Variants in GALNTL6 observed in about 807,000 individuals in gnomAD.
The protein encoded by GALNTL6 is polypeptide N-acetylgalactosaminyltransferase-like 6.
Under a neutral mutation model 73.7 loss-of-function variants are expected in GALNTL6, and 46 were observed. The observed-to-expected ratio is 0.62, with a 90% CI of 0.49 to 0.80. GALNTL6 has a LOEUF of 0.80. Ranked by LOEUF, GALNTL6 falls within the 30% of genes least tolerant of loss-of-function variation. The probability of loss-of-function intolerance (pLI) is 0.00; values close to 1 mark genes in which losing one functional copy is unlikely to be tolerated. For synonymous variants in GALNTL6, 259 were observed against 263.7 expected (o/e 0.98, Z 0.17); for missense variants, 604 against 755.0 (o/e 0.80, Z 2.34).
intron 2 of GALNTL6, among the ~76,000 whole-genome samples, chr4:172,111,771 C>T (rs1025686001): frequency 2.6e-5 from 4 of 151,860 alleles, no homozygotes; most frequent in African/African-American, 9.7e-5. Flanking sequence ...TTTTTTGGAG[C>T]AGTTTTAGGC....
chr4:172,767,333 T>C (rs1738460512), intron 5 of GALNTL6, among the ~76,000 whole-genome samples: 1 of 152,208 alleles, frequency 6.6e-6, no homozygotes, highest in Non-Finnish European at 1.5e-5. Flanking sequence ...CCCATGGATG[T>C]ACCAATGTAT....
chr4:172,968,446 A>G (rs547959718), intron 10 of GALNTL6, among the ~76,000 whole-genome samples: 2 of 152,318 alleles, frequency 1.3e-5, no homozygotes, highest in Admixed American at 6.5e-5. Flanking sequence ...GTTACCCTGC[A>G]TATATCTGAG....
chr4:172,092,304 T>C (rs1411673511), intron 2 of GALNTL6, among the ~76,000 whole-genome samples: 3 of 152,124 alleles, frequency 2.0e-5, no homozygotes, highest in Non-Finnish European at 4.4e-5. Context: ...CATATCAAAA[T>C]TTTAAGAATC....
chr4:172,874,596 A>T (rs1030119512), intron 7 of GALNTL6, among the ~76,000 whole-genome samples: 4 of 152,184 alleles, frequency 2.6e-5, no homozygotes, highest in African/African-American at 9.6e-5. Flanking sequence ...TCAGAGACTG[A>T]CAGAGCTGGT....
intron 11 of GALNTL6, among the ~76,000 whole-genome samples, chr4:173,016,169 T>C (rs1004847881): frequency 6.6e-6 from 1 of 152,130 alleles, no homozygotes; most frequent in Non-Finnish European, 1.5e-5. Flanking sequence ...CGGGCAGAGG[T>C]GTGCTATAGT....
At chr4:172,908,518 C>T (rs752854471) in intron 8 of GALNTL6, among the ~76,000 whole-genome samples, 3 of 151,162 alleles carry the variant, frequency 2.0e-5, no homozygotes, top group Non-Finnish European at 2.9e-5. Flanking sequence ...GTAATATGAC[C>T]TGCCTAAATA....
intron 5 of GALNTL6, among the ~76,000 whole-genome samples, chr4:172,386,907 C>T (rs1171560568): frequency 6.6e-6 from 1 of 152,178 alleles, no homozygotes; most frequent in Non-Finnish European, 1.5e-5. Flanking sequence ...CATAGGTACA[C>T]CTGGAGAAGC....
chr4:172,981,900 G>A (rs571091092), intron 10 of GALNTL6, among the ~76,000 whole-genome samples: 6 of 149,206 alleles, frequency 4.0e-5, no homozygotes, highest in East Asian at 2.0e-4. Context: ...AGGTTCAAGC[G>A]ATTCTCCTGC....
intron 2 of GALNTL6, among the ~76,000 whole-genome samples, chr4:172,057,716 AAAAAAAAAAAAATATATAT>A (rs1286578891): frequency 2.4e-4 from 26 of 108,032 alleles, no homozygotes; most frequent in African/African-American, 8.0e-4. Flanking sequence ...AAAAAAAAAA[AAAAAAAAAAAAATATATAT>A]ATATATATAT....
At chr4:171,955,627 G>A (rs898298186) in intron 2 of GALNTL6, among the ~76,000 whole-genome samples, 8 of 152,032 alleles carry the variant, frequency 5.3e-5, no homozygotes, top group Admixed American at 2.0e-4. Context: ...ATACTGTATC[G>A]TTCAGAGAAT....
At chr4:171,987,243 C>T (rs915265121) in intron 2 of GALNTL6, among the ~76,000 whole-genome samples, 6 of 152,108 alleles carry the variant, frequency 3.9e-5, no homozygotes, top group Admixed American at 2.6e-4. Flanking sequence ...TTTTAAAAGA[C>T]CTTTTAGTCC....
At chr4:172,258,920 A>T (rs1738168556) in intron 3 of GALNTL6, among the ~76,000 whole-genome samples, 1 of 151,396 alleles carries the variant, frequency 6.6e-6, no homozygotes, top group Non-Finnish European at 1.5e-5. Flanking sequence ...TGTGAATGCC[A>T]TTATTTCATT....
chr4:172,427,239 A>G (rs1387742400), intron 5 of GALNTL6, among the ~76,000 whole-genome samples: 1 of 152,182 alleles, frequency 6.6e-6, no homozygotes, highest in Non-Finnish European at 1.5e-5. Flanking sequence ...ACAGTTCCAC[A>G]TGGCTGGGGA....
intron 2 of GALNTL6, among the ~76,000 whole-genome samples, chr4:172,130,796 A>C (rs1465175029): frequency 7.0e-6 from 1 of 142,020 alleles, no homozygotes; most frequent in African/African-American, 2.7e-5. Flanking sequence ...TCTAAAACAA[A>C]TCATTCTCAA....
intron 11 of GALNTL6, among the ~76,000 whole-genome samples, chr4:173,010,181 T>A: frequency 6.6e-6 from 1 of 152,322 alleles, no homozygotes; most frequent in South Asian, 2.1e-4. Flanking sequence ...TGCCAGCCTC[T>A]GGTAACCATC....
At chr4:172,129,755 A>C (rs112260308) in intron 2 of GALNTL6, among the ~76,000 whole-genome samples, 1,538 of 152,310 alleles carry the variant, frequency 0.01, 26 homozygotes, top group African/African-American at 0.035. Context: ...AAACCACAAG[A>C]ACATTTGTCT....
At chr4:171,979,266 G>T (rs780149544) in intron 2 of GALNTL6, among the ~76,000 whole-genome samples, 1 of 152,008 alleles carries the variant, frequency 6.6e-6, no homozygotes. Flanking sequence ...ATTTACCTTC[G>T]GTGTTTTCCC....
chr4:171,854,151 T>G (rs1331121893), intron 2 of GALNTL6, among the ~76,000 whole-genome samples: 1 of 152,172 alleles, frequency 6.6e-6, no homozygotes, highest in East Asian at 1.9e-4. Flanking sequence ...TATAACCTCC[T>G]TACCTGATGC....
chr4:172,039,306 G>C (rs1484228367), intron 2 of GALNTL6, among the ~76,000 whole-genome samples: 1 of 152,096 alleles, frequency 6.6e-6, no homozygotes, highest in Non-Finnish European at 1.5e-5. Context: ...CAGACTTCTT[G>C]ATATTTGTTC....
Sources: allele counts gnomAD v4.1 joint callset (sites outside exome capture counted in the v4.1 genomes callset), GRCh38; gene constraint gnomAD v4.1.1; transcripts MANE v1.5; gene names NCBI Gene and HGNC (gene_info 2026-07-23, HGNC 2026-07-21).